RPTOR: variants seen among roughly 807,000 people sequenced by gnomAD.
RPTOR encodes the protein regulatory-associated protein of mTOR.
RPTOR carries 21 observed loss-of-function variants against 169.9 expected under a neutral mutation model. The ratio of observed to expected loss-of-function variants is 0.12; its 90% CI spans 0.09 to 0.18. The LOEUF (loss-of-function observed/expected upper bound fraction) is 0.18. RPTOR is among the 10% of genes least tolerant of loss of function. RPTOR has a pLI of 1.00. For missense variants in RPTOR, 1,133 were observed against 1,855.9 expected (o/e 0.61, Z 7.16); for synonymous variants, 732 against 753.2 (o/e 0.97, Z 0.46).
intron 6 of RPTOR, among the ~76,000 whole-genome samples, chr17:80,785,956 C>T (rs926829581): frequency 1.3e-5 from 2 of 152,212 alleles, no homozygotes; most frequent in East Asian, 3.8e-4. Context: ...AACCGGGAAG[C>T]TCTCCTTGTT....
chr17:80,950,771 G>T (rs1178355600), intron 28 of RPTOR, among the ~76,000 whole-genome samples: 1 of 152,176 alleles, frequency 6.6e-6, no homozygotes, highest in Admixed American at 6.5e-5. Flanking sequence ...CGGCCATTGT[G>T]TGTCTCTCCA....
chr17:80,924,978 T>C (rs6565494), intron 23 of RPTOR, among the ~76,000 whole-genome samples: 134,934 of 152,100 alleles, frequency 0.89, 60,071 homozygotes, highest in African/African-American at 0.95. Context: ...CCGCTCTCAG[T>C]CTGGTGTCAC....
chr17:80,564,473 T>G (rs943109423), intron 1 of RPTOR, among the ~76,000 whole-genome samples: 5 of 152,188 alleles, frequency 3.3e-5, no homozygotes, highest in Admixed American at 6.5e-5. Flanking sequence ...TTTTATTTTA[T>G]TTTTTCATAT....
chr17:80,723,784 A>G (rs753177127), intron 4 of RPTOR, among the ~76,000 whole-genome samples: 1 of 151,436 alleles, frequency 6.6e-6, no homozygotes, highest in Non-Finnish European at 1.5e-5. Flanking sequence ...ACAGGTGTGG[A>G]AACTAGATTT....
At chr17:80,742,823 C>T (rs1047921118) in intron 5 of RPTOR, among the ~76,000 whole-genome samples, 1 of 151,958 alleles carries the variant, frequency 6.6e-6, no homozygotes, top group Non-Finnish European at 1.5e-5. Flanking sequence ...TATATACATG[C>T]CCACCTATAC....
At chr17:80,653,590 G>C (rs1016870752) in intron 3 of RPTOR, among the ~76,000 whole-genome samples, 2 of 152,200 alleles carry the variant, frequency 1.3e-5, no homozygotes, top group African/African-American at 4.8e-5. Context: ...CTGGGCCTCT[G>C]TGAAGTCTGG....
chr17:80,575,260 G>T lies in RPTOR; in HGVS notation c.162+29469G>T, dbSNP rs567892219. 2.3e-3 allele frequency among the ~76,000 whole-genome samples: 346 copies of T among 152,242 alleles called. 1 individual carries two copies. Among genetic ancestry groups the T allele is most frequent in the Non-Finnish European group, 2.9e-3 (197 of 68,022 alleles). ...TCCTTCCGCCTTGGCCTCCCAAAGT[G>T]CTGGGATTATAGGCATGAGCCACCA... On this transcript the variant is annotated intron_variant, in intron 1 of 33. Coordinates refer to ENST00000306801, the MANE Select transcript of RPTOR (RefSeq NM_020761.3).
At position 80,578,993 on chromosome 17, in the gene RPTOR, C is replaced by A. The variant is rs541632404; in HGVS notation, c.162+33202C>A. 5.3e-5 allele frequency among the ~76,000 whole-genome samples: 8 copies of A among 152,178 alleles called. No individual in the cohort carries two copies. The South Asian group carries it at 1.5e-3, about 28-fold the overall frequency. Reference sequence around the variant, plus strand: ...CAGTAATTTTAAGGTTTTGTTTTGTCCCCTTGCAACTCTCCTTACTTGCTT... The same window carrying A: ...CAGTAATTTTAAGGTTTTGTTTTGTACCCTTGCAACTCTCCTTACTTGCTT... On this transcript the variant is annotated intron_variant, in intron 1 of 33. Coordinates refer to ENST00000306801, the MANE Select transcript of RPTOR (RefSeq NM_020761.3).
chr17:80,764,553 G>T (rs1368256768), intron 6 of RPTOR, among the ~76,000 whole-genome samples: 1 of 151,780 alleles, frequency 6.6e-6, no homozygotes, highest in Admixed American at 6.6e-5. Flanking sequence ...TCTTAATCCA[G>T]TCTATCATTG....
intron 1 of RPTOR, among the ~76,000 whole-genome samples, chr17:80,601,396 G>A (rs1459604383): frequency 2.0e-5 from 3 of 152,220 alleles, no homozygotes; most frequent in Admixed American, 1.3e-4. Context: ...CCGGCGGGCC[G>A]CTCTCCCACA....
At position 80,749,289 on chromosome 17, in the gene RPTOR, T is replaced by C. The variant is rs11869329; in HGVS notation, c.655-4721T>C. Among the ~76,000 whole-genome samples the C allele has an allele frequency of 4.3e-4, 14 of 32,706 alleles. 1 individual carries two copies. The highest frequency in any genetic ancestry group is 9.8e-4 in the Admixed American group (3 of 3,060). The allele number at this position is 32,706 out of a possible 152,430, so 21.5% of individuals were successfully genotyped here. A position where few individuals can be genotyped will look rare whatever the true frequency, so the allele number is the denominator to read the frequency against. On this transcript the variant is annotated intron_variant, in intron 5 of 33. Transcript: ENST00000306801. ...GGGGCTGCGGTGTGTGTTTGGAGGC[T>C]GTGGCGGGAGGGCCTGTTGGGTGGA... is the stretch of plus-strand genomic sequence containing the variant.
chr17:80,947,854 C>G lies in RPTOR; in HGVS notation c.3265+503C>G, dbSNP rs1357275517. Reference sequence around the variant, plus strand: ...ATCGTTGACCATCATGGTCGCTGACCAGTGGTTCATTGCCGTAGTGGGTCT... The same window carrying G: ...ATCGTTGACCATCATGGTCGCTGACGAGTGGTTCATTGCCGTAGTGGGTCT... On this transcript the variant is annotated intron_variant, in intron 27 of 33. Coordinates refer to ENST00000306801, the MANE Select transcript of RPTOR (RefSeq NM_020761.3). The surrounding 1 kb of genome is among the most constrained non-coding windows in gnomAD (Gnocchi z 4.4). Among the ~76,000 whole-genome samples, 1 of 152,216 alleles carries G rather than the reference C, an allele frequency of 6.6e-6. No individual in the cohort carries two copies. Among genetic ancestry groups the G allele is most frequent in the African/African-American group, 2.4e-5 (1 of 41,458 alleles).
intron 19 of RPTOR, among the ~76,000 whole-genome samples, 159 bp from the exon 20 acceptor site, chr17:80,893,548 G>T (rs1567972804): frequency 6.6e-6 from 1 of 151,600 alleles, no homozygotes; most frequent in African/African-American, 2.4e-5. Context: ...ACATGCCAGG[G>T]TGTGTGCGCA....
intron 25 of RPTOR, among the ~76,000 whole-genome samples, chr17:80,942,368 G>A (rs189485251): frequency 7.3e-4 from 109 of 149,312 alleles, no homozygotes; most frequent in African/African-American, 2.3e-3. Context: ...AGCAGGGTGC[G>A]AAACAGAGCC....
Position 80,754,108 on chromosome 17 carries a change from G to C in RPTOR, c.753G>C (p.Leu251=). Residue 251 remains leucine (L), a synonymous_variant, in exon 6 of 34, where the codon CTG becomes CTC. Coordinates refer to ENST00000306801, the MANE Select transcript of RPTOR (RefSeq NM_020761.3). The surrounding 1 kb of genome is among the most constrained non-coding windows in gnomAD (Gnocchi z 4.2). Reference sequence around the variant, plus strand: ...TGGCAGCCTGCGAGGCCACCGAGCTGCTGCCCATGATCCCCGACCTCCCGG... The same window carrying C: ...TGGCAGCCTGCGAGGCCACCGAGCTCCTGCCCATGATCCCCGACCTCCCGG... The part of the protein sequence containing the change: ...IQLAACEATE[L]LPMIPDLPAD... The C allele has an allele frequency of 1.2e-6, 2 of 1,613,934 alleles. No homozygotes were observed. The highest frequency in any genetic ancestry group is 1.7e-6 in the Non-Finnish European group (2 of 1,180,026).
chr17:80,556,020 TTTTTTG>T (rs746281971), intron 1 of RPTOR, among the ~76,000 whole-genome samples: 19 of 126,216 alleles, frequency 1.5e-4, no homozygotes, highest in South Asian at 4.7e-4. Flanking sequence ...ATCTAAAAAG[TTTTTTG>T]TTTTTTTTTT....
intron 1 of RPTOR, among the ~76,000 whole-genome samples, chr17:80,598,305 C>A (rs183447503): frequency 4.6e-5 from 7 of 152,058 alleles, no homozygotes; most frequent in Non-Finnish European, 1.5e-5. Context: ...AGCAGAGAGG[C>A]GTCTAGAAAG....
chr17:80,726,853 G>A lies in RPTOR; in HGVS notation c.508-3707G>A, dbSNP rs889573838. On this transcript the variant is annotated intron_variant, in intron 4 of 33. Coordinates refer to ENST00000306801, the MANE Select transcript of RPTOR (RefSeq NM_020761.3). The surrounding 1 kb of genome is among the most constrained non-coding windows in gnomAD (Gnocchi z 4.5). ...CCAAAATCCTTTCTCCTGTCAGCGT[G>A]GGGGGTGATCCTGCCCAATTAAAGG... Among the ~76,000 whole-genome samples, 2 of 152,168 alleles carry A rather than the reference G, an allele frequency of 1.3e-5. No individual in the cohort carries two copies. The highest frequency in any genetic ancestry group is 2.9e-5 in the Non-Finnish European group (2 of 68,020).
At chr17:80,793,435 T>A (rs1344457340) in intron 7 of RPTOR, among the ~76,000 whole-genome samples, 1 of 152,210 alleles carries the variant, frequency 6.6e-6, no homozygotes, top group Non-Finnish European at 1.5e-5. Context: ...GAAAACTGTC[T>A]TGGTGTTTTC....
Sources: allele counts gnomAD v4.1 joint callset (sites outside exome capture counted in the v4.1 genomes callset), GRCh38; gene constraint gnomAD v4.1.1; non-coding constraint Gnocchi (gnomAD v3.1); transcripts MANE v1.5; gene names NCBI Gene and HGNC (gene_info 2026-07-23, HGNC 2026-07-21).